The following BMP6 variants were observed in gnomAD, a reference collection of about 807,000 sequenced individuals.
BMP6 encodes bone morphogenetic protein 6.
In BMP6, 17 loss-of-function variants were observed where a neutral mutation model predicts 54.1. That is an observed-to-expected ratio of 0.31 (90% CI 0.22 to 0.47). The LOEUF is 0.47. Ranked by LOEUF, BMP6 falls within the 20% of genes least tolerant of loss-of-function variation. The pLI, the probability that BMP6 is intolerant of heterozygous loss-of-function variation, is 1.00. For missense variants in BMP6, 720 were observed against 690.4 expected, an observed-to-expected ratio of 1.04 and a Z score of -0.48; for synonymous variants, 328 against 291.2, an observed-to-expected ratio of 1.13 and a Z score of -1.28.
chr6:7,843,424 T>TC (rs1554124542), intron 1 of BMP6, among the ~76,000 whole-genome samples: 1 of 151,476 alleles, frequency 6.6e-6, no homozygotes, highest in Non-Finnish European at 1.5e-5. Flanking sequence ...TTAGCTCTTT[T>TC]TTTTCTTTTC....
In BMP6 at chr6:7,726,884, C is replaced by T; in HGVS notation, c.-72C>T. 1.0e-6 allele frequency: 1 copy of T among 972,874 alleles called. No homozygotes were observed. Among genetic ancestry groups the T allele is most frequent in the East Asian group, 9.5e-5 (1 of 10,570 alleles). 60.3% of individuals were successfully genotyped at this position (972,874 alleles called of 1,614,324 possible). A position where few individuals can be genotyped will look rare whatever the true frequency, so the allele number is the denominator to read the frequency against. On this transcript the variant is annotated 5_prime_UTR_variant, in exon 1 of 7. Transcript: ENST00000283147. The stretch of plus-strand genomic sequence containing the variant: ...GGACTGCTCACGCCAAGGGCCACAG[C>T]GGCCGCGCTCCGGCCTCGCTCCGCC...
intron 1 of BMP6, among the ~76,000 whole-genome samples, chr6:7,746,137 G>T (rs1482982089): frequency 6.6e-6 from 1 of 152,052 alleles, no homozygotes; most frequent in African/African-American, 2.4e-5. Context: ...GTGTTGATTC[G>T]ATGGTGCTGC....
intron 1 of BMP6, among the ~76,000 whole-genome samples, chr6:7,756,946 G>A (rs1476251700): frequency 6.6e-6 from 1 of 151,950 alleles, no homozygotes; most frequent in Non-Finnish European, 1.5e-5. Flanking sequence ...GGTTTTCTTT[G>A]TACACAAGCA....
intron 1 of BMP6, among the ~76,000 whole-genome samples, chr6:7,840,628 TC>T (rs1758953771): frequency 6.6e-6 from 1 of 152,114 alleles, no homozygotes; most frequent in Non-Finnish European, 1.5e-5. Flanking sequence ...GTTCAGTATG[TC>T]TTCCCTATTT....
intron 1 of BMP6, among the ~76,000 whole-genome samples, chr6:7,800,308 C>T (rs1758251090): frequency 1.3e-5 from 2 of 152,110 alleles, no homozygotes; most frequent in African/African-American, 4.8e-5. Context: ...ATTCTTTGAA[C>T]TCTTATGGAG....
intron 4 of BMP6, among the ~76,000 whole-genome samples, chr6:7,877,120 TGA>T (rs1199761465): frequency 1.3e-5 from 2 of 152,198 alleles, no homozygotes; most frequent in East Asian, 3.8e-4. Flanking sequence ...TTGTTTTTAC[TGA>T]GAGAGTCCTT....
intron 1 of BMP6, among the ~76,000 whole-genome samples, chr6:7,739,672 A>ATAACT (rs140750): frequency 0.83 from 126,095 of 151,632 alleles, 54,225 homozygotes; most frequent in East Asian, 1. Flanking sequence ...GTTTTGTGAA[A>ATAACT]TAACTGTCCC....
chr6:7,817,598 T>G (rs1363343653), intron 1 of BMP6, among the ~76,000 whole-genome samples: 1 of 141,292 alleles, frequency 7.1e-6, no homozygotes, highest in East Asian at 2.5e-4. Context: ...GGGGGAGGGA[T>G]AGCATTAGGA....
At chr6:7,731,522 C>T (rs369865610) in intron 1 of BMP6, among the ~76,000 whole-genome samples, 10 of 152,318 alleles carry the variant, frequency 6.6e-5, no homozygotes, top group African/African-American at 1.7e-4. Flanking sequence ...CCTCCAAAGG[C>T]GGAAACCACG....
At chr6:7,812,676 C>T (rs2113212571) in intron 1 of BMP6, among the ~76,000 whole-genome samples, 1 of 151,634 alleles carries the variant, frequency 6.6e-6, no homozygotes, top group East Asian at 1.9e-4. Context: ...TATAAAAAGC[C>T]CATATAAATC....
At position 7,845,262 on chromosome 6, in the gene BMP6, G is replaced by T; in HGVS notation, c.787G>T (p.Val263Phe). The change falls in exon 2 of 7, where the codon GTT becomes TTT. Residue 263 changes from valine to phenylalanine, a missense_variant. Val to Phe is a conservative substitution (Grantham distance 50). Around this residue, in one of 3 missense-constraint regions of BMP6, gnomAD observed 650 missense variants for 556.3 expected, o/e 1.17. Transcript: ENST00000283147. ...AGAATTCCGCATCTACAAGGACTGTGTTATGGGGAGTTTTAAAAACCAAAC... is the reference window on the plus strand; with the variant it reads ...AGAATTCCGCATCTACAAGGACTGTTTTATGGGGAGTTTTAAAAACCAAAC... ...AAEFRIYKDCVMGSFKNQTFL... is the reference protein window; with the variant it reads ...AAEFRIYKDCFMGSFKNQTFL... 3.1e-6 allele frequency: 5 copies of T among 1,614,176 alleles called. No individual in the cohort carries two copies. The highest frequency in any genetic ancestry group is 4.2e-6 in the Non-Finnish European group (5 of 1,179,998).
intron 1 of BMP6, among the ~76,000 whole-genome samples, chr6:7,816,010 A>T (rs956693771): frequency 1.3e-5 from 2 of 152,208 alleles, no homozygotes; most frequent in African/African-American, 2.4e-5. Context: ...GCTTGTTGGC[A>T]AAATTGTTAC....
chr6:7,854,659 G>A (rs1184211155), intron 2 of BMP6, among the ~76,000 whole-genome samples: 1 of 152,188 alleles, frequency 6.6e-6, no homozygotes, highest in Admixed American at 6.5e-5. Flanking sequence ...AGTCAGGCGT[G>A]GTGGCGTGCA....
At chr6:7,843,529 T>G (rs191358406) in intron 1 of BMP6, among the ~76,000 whole-genome samples, 2 of 151,908 alleles carry the variant, frequency 1.3e-5, no homozygotes, top group African/African-American at 4.8e-5. Context: ...AGTGGGAAGT[T>G]GGAGGTGGCT....
chr6:7,748,146 C>T (rs963984406), intron 1 of BMP6, among the ~76,000 whole-genome samples: 1 of 151,146 alleles, frequency 6.6e-6, no homozygotes, highest in South Asian at 2.1e-4. Flanking sequence ...TGAATATGGG[C>T]CTTACCCCTT....
intron 1 of BMP6, among the ~76,000 whole-genome samples, chr6:7,816,158 G>A (rs998521596): frequency 2.6e-5 from 4 of 152,334 alleles, no homozygotes; most frequent in African/African-American, 9.6e-5. Context: ...GGAGAGGCTT[G>A]TGTGTGTACT....
chr6:7,799,974 T>A (rs1032315699), intron 1 of BMP6, among the ~76,000 whole-genome samples: 9 of 152,164 alleles, frequency 5.9e-5, no homozygotes, highest in African/African-American at 2.2e-4. Flanking sequence ...AAGTCCTGAA[T>A]TGATGAAGTT....
At chr6:7,814,022 GTCAGCCAGGGCTGCTC>G (rs1263397831) in intron 1 of BMP6, among the ~76,000 whole-genome samples, 1 of 152,150 alleles carries the variant, frequency 6.6e-6, no homozygotes. Flanking sequence ...CTTGCTGACT[GTCAGCCAGGGCTGCTC>G]TCAGATCCTA....
At chr6:7,744,833 G>A (rs6597283) in intron 1 of BMP6, among the ~76,000 whole-genome samples, 103,868 of 151,978 alleles carry the variant, frequency 0.68, 36,532 homozygotes, top group Non-Finnish European at 0.77. Flanking sequence ...GGGCAGAAAG[G>A]CTGTTGGTTT....
Sources: gnomAD v4.1 joint callset for allele counts (sites outside exome capture counted in the v4.1 genomes callset) on GRCh38, gnomAD v4.1.1 for gene constraint, gnomAD v4.1.1 regional missense constraint, MANE v1.5 for transcripts, NCBI Gene and HGNC (gene_info 2026-07-23, HGNC 2026-07-21) for gene names.